The following TMEM135 variants were observed in gnomAD, a reference collection of about 807,000 sequenced individuals.
The protein encoded by TMEM135 is transmembrane protein 135.
TMEM135 carries 30 observed loss-of-function variants against 60.3 expected under a neutral mutation model. That is an observed-to-expected ratio of 0.50 (90% confidence interval 0.37 to 0.68). The LOEUF (loss-of-function observed/expected upper bound fraction) is 0.68. TMEM135 is among the 30% of genes least tolerant of loss of function. The pLI is 0.00. For missense variants in TMEM135, 468 were observed against 548.8 expected (o/e 0.85, Z 1.47); for synonymous variants, 190 against 186.7 (o/e 1.02, Z -0.14).
At chr11:87,287,968 A>G (rs1188060971) in intron 6 of TMEM135, among the ~76,000 whole-genome samples, 2 of 152,190 alleles carry the variant, frequency 1.3e-5, no homozygotes, top group Non-Finnish European at 2.9e-5. Flanking sequence ...GATTTTTAAG[A>G]TTAAACTGTA....
chr11:87,245,156 C>G lies in TMEM135; in HGVS notation c.509+8472C>G, dbSNP rs868845082. On this transcript the variant is annotated intron_variant, in intron 6 of 14. Coordinates refer to ENST00000305494, the MANE Select transcript of TMEM135 (RefSeq NM_022918.4). ...GTTGTTCAGTTTCCATGTAGTTGAG[C>G]GGTTTTGAGTGAGTTTCTTAATCCT... 9.5e-4 allele frequency among the ~76,000 whole-genome samples: 140 copies of G among 147,780 alleles called. 3 individuals are homozygous for G. The highest frequency in any genetic ancestry group is 7.0e-3 in the Middle Eastern group (2 of 286).
intron 4 of TMEM135, among the ~76,000 whole-genome samples, chr11:87,098,120 C>A (rs1857371989): frequency 1.3e-5 from 2 of 148,704 alleles, no homozygotes; most frequent in South Asian, 4.3e-4. Flanking sequence ...GTTTATTAAC[C>A]CATCTATGCT....
chr11:87,271,589 A>G (rs1289662933), intron 6 of TMEM135, among the ~76,000 whole-genome samples: 1 of 152,098 alleles, frequency 6.6e-6, no homozygotes, highest in Non-Finnish European at 1.5e-5. Context: ...TATATTGATT[A>G]TTTGTTTACA....
intron 9 of TMEM135, 128 bp downstream of exon 9, chr11:87,306,133 T>G (rs1942538865): frequency 1.9e-6 from 1 of 528,920 alleles, no homozygotes. Context: ...TCTTTGAATT[T>G]GACTTCAAGA....
At chr11:87,110,078 C>T (rs1857703957) in intron 4 of TMEM135, among the ~76,000 whole-genome samples, 1 of 151,966 alleles carries the variant, frequency 6.6e-6, no homozygotes, top group Non-Finnish European at 1.5e-5. Context: ...AATGTCCATC[C>T]CTAAAGCAAT....
intron 4 of TMEM135, among the ~76,000 whole-genome samples, chr11:87,123,742 A>T (rs1406562203): frequency 1.3e-5 from 2 of 152,170 alleles, no homozygotes; most frequent in Admixed American, 1.3e-4. Context: ...CTCTCAATAG[A>T]TGCCTTATTC....
At chr11:87,090,894 T>C (rs1857190919) in intron 3 of TMEM135, among the ~76,000 whole-genome samples, 1 of 152,118 alleles carries the variant, frequency 6.6e-6, no homozygotes, top group African/African-American at 2.4e-5. Context: ...TGTAATATTA[T>C]TTAATGAAAC....
chr11:87,297,889 T>A (rs992717498), intron 7 of TMEM135, among the ~76,000 whole-genome samples: 4 of 152,240 alleles, frequency 2.6e-5, no homozygotes, highest in Admixed American at 2.6e-4. Flanking sequence ...AATGTGGCTA[T>A]TTCTTGCATT....
chr11:87,209,197 A>G (rs1164725222), intron 5 of TMEM135, among the ~76,000 whole-genome samples: 1 of 152,216 alleles, frequency 6.6e-6, no homozygotes, highest in Non-Finnish European at 1.5e-5. Context: ...ATCCTCACAT[A>G]TCAATATTGA....
At chr11:87,111,666 A>AGAAAAAG (rs61643428) in intron 4 of TMEM135, among the ~76,000 whole-genome samples, 19 of 130,954 alleles carry the variant, frequency 1.5e-4, no homozygotes, top group East Asian at 8.5e-4. Flanking sequence ...AAAAAAAAAA[A>AGAAAAAG]AAAAAGAAAA....
intron 3 of TMEM135, among the ~76,000 whole-genome samples, chr11:87,072,563 A>G (rs1856791832): frequency 1.3e-5 from 2 of 151,768 alleles, no homozygotes; most frequent in Admixed American, 1.3e-4. Flanking sequence ...GTGTTTTTTT[A>G]GTAGAGACAA....
At chr11:87,244,871 G>T (rs1235636515) in intron 6 of TMEM135, among the ~76,000 whole-genome samples, 2 of 149,894 alleles carry the variant, frequency 1.3e-5, no homozygotes, top group Non-Finnish European at 3.0e-5. Flanking sequence ...TCTGATTTTA[G>T]TTATTTCTTG....
chr11:87,191,268 T>A (rs1939791948), intron 5 of TMEM135, among the ~76,000 whole-genome samples: 1 of 150,318 alleles, frequency 6.7e-6, no homozygotes, highest in South Asian at 2.1e-4. Context: ...TGAGACAGAG[T>A]CCCGCTCTTT....
At chr11:87,163,357 G>A (rs1335282977) in intron 5 of TMEM135, among the ~76,000 whole-genome samples, 1 of 144,128 alleles carries the variant, frequency 6.9e-6, no homozygotes, top group African/African-American at 2.6e-5. Flanking sequence ...TCCCTACAAA[G>A]GACATGAACT....
chr11:87,236,036 G>A (rs992254441), intron 5 of TMEM135, among the ~76,000 whole-genome samples: 2 of 151,796 alleles, frequency 1.3e-5, no homozygotes, highest in African/African-American at 2.4e-5. Flanking sequence ...TAACCTTTCT[G>A]ATTTATTCAC....
At chr11:87,236,133 G>A (rs510042) in intron 5 of TMEM135, among the ~76,000 whole-genome samples, 4,785 of 151,894 alleles carry the variant, frequency 0.032, 121 homozygotes, top group Non-Finnish European at 0.051. Flanking sequence ...AAAATTAGCT[G>A]TTCCCTTTTT....
intron 2 of TMEM135, among the ~76,000 whole-genome samples, chr11:87,071,232 T>A (rs7127557): frequency 0.091 from 13,870 of 152,102 alleles, 700 homozygotes; most frequent in East Asian, 0.18. Flanking sequence ...TCTGTAATAA[T>A]TTAAGGGAAT....
chr11:87,218,658 A>G (rs1007225230), intron 5 of TMEM135, among the ~76,000 whole-genome samples: 4 of 152,158 alleles, frequency 2.6e-5, no homozygotes, highest in African/African-American at 9.7e-5. Context: ...GTCAACTCAC[A>G]GGGCTATAAA....
intron 4 of TMEM135, among the ~76,000 whole-genome samples, chr11:87,150,947 T>G (rs1189130720): frequency 6.6e-6 from 1 of 152,176 alleles, no homozygotes; most frequent in African/African-American, 2.4e-5. Context: ...TTTTATATTA[T>G]TTTCATAATT....
Sources: gnomAD v4.1 joint callset for allele counts (sites outside exome capture counted in the v4.1 genomes callset) on GRCh38, gnomAD v4.1.1 for gene constraint, MANE v1.5 for transcripts, NCBI Gene and HGNC (gene_info 2026-07-23, HGNC 2026-07-21) for gene names.